PIP4K2A: variants seen among roughly 807,000 people sequenced by gnomAD.
The protein encoded by PIP4K2A is phosphatidylinositol 5-phosphate 4-kinase type-2 alpha.
In PIP4K2A, 14 loss-of-function variants were observed where a neutral mutation model predicts 42.9. The observed-to-expected ratio is 0.33, with a 90% confidence interval of 0.22 to 0.51. The LOEUF is 0.51. Ranked by LOEUF, PIP4K2A falls within the 20% of genes least tolerant of loss-of-function variation. The pLI, the probability that PIP4K2A is intolerant of heterozygous loss-of-function variation, is 0.97. For missense variants in PIP4K2A, 434 were observed against 519.8 expected, an observed-to-expected ratio of 0.83 and a Z score of 1.61; for synonymous variants, 192 against 192.2, an observed-to-expected ratio of 1.00 and a Z score of 0.01.
At chr10:22,583,699 T>TCCCAAACATTGCAGAGGTGAAGATGAA (rs1439859419) in intron 4 of PIP4K2A, among the ~76,000 whole-genome samples, 1 of 152,190 alleles carries the variant, frequency 6.6e-6, no homozygotes. Context: ...TCAGAGGCCT[T>TCCCAAACATTGCAGAGGTGAAGATGAA]CCCAAACATT....
intron 1 of PIP4K2A, among the ~76,000 whole-genome samples, chr10:22,658,058 A>G (rs915859499): frequency 6.6e-6 from 1 of 152,206 alleles, no homozygotes. Context: ...TTTTTTTCTA[A>G]GCAATCAGCT....
At chr10:22,615,811 G>A (rs1156881820) in intron 1 of PIP4K2A, among the ~76,000 whole-genome samples, 2 of 152,194 alleles carry the variant, frequency 1.3e-5, no homozygotes, top group African/African-American at 2.4e-5. Context: ...GGCAAACACA[G>A]TATAGTTCTC....
At chr10:22,579,899 A>G (rs1306585314) in intron 4 of PIP4K2A, among the ~76,000 whole-genome samples, 2 of 151,416 alleles carry the variant, frequency 1.3e-5, no homozygotes, top group East Asian at 1.9e-4. Flanking sequence ...ATAGAACGAG[A>G]CTTCGTCTGA....
chr10:22,607,860 T>A, intron 3 of PIP4K2A, 67 bp downstream of exon 3: 1 of 938,832 alleles, frequency 1.1e-6, no homozygotes, highest in Non-Finnish European at 1.7e-6. Context: ...CAGATCCCAA[T>A]TGACACAGCA....
At chr10:22,556,863 A>G (rs559456052) in intron 6 of PIP4K2A, among the ~76,000 whole-genome samples, 1 of 152,322 alleles carries the variant, frequency 6.6e-6, no homozygotes, top group East Asian at 1.9e-4. Context: ...TTTGGCTTTT[A>G]AAGCACAGCA....
At chr10:22,702,015 T>TGAGGTCCA (rs1833724008) in intron 1 of PIP4K2A, among the ~76,000 whole-genome samples, 3 of 152,188 alleles carry the variant, frequency 2.0e-5, no homozygotes, top group South Asian at 4.1e-4. Flanking sequence ...TATATCACCA[T>TGAGGTCCA]GAGGTCCAAA....
intron 1 of PIP4K2A, among the ~76,000 whole-genome samples, chr10:22,649,267 G>T (rs757500366): frequency 1.1e-4 from 16 of 152,180 alleles, no homozygotes; most frequent in Non-Finnish European, 1.6e-4. Context: ...GATCAGATGG[G>T]TCTATAATGT....
chr10:22,619,481 G>C (rs1838265627), intron 1 of PIP4K2A, among the ~76,000 whole-genome samples: 1 of 145,558 alleles, frequency 6.9e-6, no homozygotes, highest in Non-Finnish European at 1.5e-5. Flanking sequence ...CTGTTGCCCA[G>C]GCTGGAGTGC....
chr10:22,713,081 G>A (rs1301096366), intron 1 of PIP4K2A, among the ~76,000 whole-genome samples: 1 of 152,110 alleles, frequency 6.6e-6, no homozygotes, highest in African/African-American at 2.4e-5. Context: ...GACTGCAGTG[G>A]CTAAGGTCAT....
At chr10:22,559,622 G>A (rs1462014895) in intron 6 of PIP4K2A, among the ~76,000 whole-genome samples, 1 of 152,108 alleles carries the variant, frequency 6.6e-6, no homozygotes, top group Non-Finnish European at 1.5e-5. Flanking sequence ...GGTTTATGGG[G>A]TTCTTATCTA....
At chr10:22,647,645 C>G (rs1437486781) in intron 1 of PIP4K2A, among the ~76,000 whole-genome samples, 1 of 152,204 alleles carries the variant, frequency 6.6e-6, no homozygotes, top group Non-Finnish European at 1.5e-5. Flanking sequence ...GAAACACTCT[C>G]CTCCCAATCA....
chr10:22,629,335 T>TA lies in PIP4K2A; in HGVS notation c.145-19619dup, dbSNP rs1838504956. 2.0e-5 allele frequency among the ~76,000 whole-genome samples: 3 copies of TA among 152,344 alleles called. No individual in the cohort carries two copies. In the South Asian group the frequency reaches 6.2e-4, roughly 32 times the overall value. ...CATTCTTTTCAAAAATGTGGAAGCC[T>TA]AAAGCACTCACTAGACCTATGATTC... is the stretch of plus-strand genomic sequence containing the variant. On this transcript the variant is annotated intron_variant, in intron 1 of 9. Coordinates refer to ENST00000376573, the MANE Select transcript of PIP4K2A (RefSeq NM_005028.5).
chr10:22,714,063 C>G, intron 1 of PIP4K2A, 120 bp downstream of exon 1: 1 of 1,060,400 alleles, frequency 9.4e-7, no homozygotes, highest in Non-Finnish European at 1.3e-6. Flanking sequence ...GGGCGAGCAG[C>G]CGGAGGTCCA....
chr10:22,569,072 T>C, intron 5 of PIP4K2A: 1 of 1,528,160 alleles, frequency 6.5e-7, no homozygotes, highest in Non-Finnish European at 8.8e-7. Context: ...GAAATCAAAA[T>C]TTTTGATTAC....
chr10:22,552,062 C>A (rs1252012725), intron 6 of PIP4K2A, among the ~76,000 whole-genome samples: 1 of 152,132 alleles, frequency 6.6e-6, no homozygotes, highest in Non-Finnish European at 1.5e-5. Context: ...TTAGATATAA[C>A]CACAATCTTT....
At chr10:22,569,400 C>T (rs1836928047) in intron 5 of PIP4K2A, among the ~76,000 whole-genome samples, 1 of 152,316 alleles carries the variant, frequency 6.6e-6, no homozygotes, top group Non-Finnish European at 1.5e-5. Context: ...ACCCATTCTA[C>T]GACCACAGTC....
intron 1 of PIP4K2A, among the ~76,000 whole-genome samples, chr10:22,658,293 A>C (rs2130826677): frequency 6.6e-6 from 1 of 152,366 alleles, no homozygotes; most frequent in Non-Finnish European, 1.5e-5. Flanking sequence ...ACATAAACTG[A>C]AACGGAAGAA....
At position 22,627,588 on chromosome 10, in the gene PIP4K2A, TAA is replaced by T. The variant is rs1838467861; in HGVS notation, c.145-17873_145-17872del. Reference sequence around the variant, plus strand: ...ATTTGTTTAACCAAAAGCTAATATGTAATAAAAAAAAAAAAAAAAAAAAAAAA... The same window carrying T: ...ATTTGTTTAACCAAAAGCTAATATGTTAAAAAAAAAAAAAAAAAAAAAAAA... On this transcript the variant is annotated intron_variant, in intron 1 of 9. Transcript: ENST00000376573. Among the ~76,000 whole-genome samples, 6 of 38,956 alleles carry T rather than the reference TAA, an allele frequency of 1.5e-4. 1 individual carries two copies. Among genetic ancestry groups the T allele is most frequent in the African/African-American group, 4.4e-4 (6 of 13,772 alleles). The allele number at this position is 38,956 out of a possible 152,430, so 25.6% of individuals were successfully genotyped here.
At chr10:22,671,855 C>T (rs1839457666) in intron 1 of PIP4K2A, among the ~76,000 whole-genome samples, 1 of 151,350 alleles carries the variant, frequency 6.6e-6, no homozygotes, top group African/African-American at 2.4e-5. Flanking sequence ...GTAGACAGGC[C>T]CATTACCACT....
Sources: allele counts gnomAD v4.1 joint callset (sites outside exome capture counted in the v4.1 genomes callset), GRCh38; gene constraint gnomAD v4.1.1; transcripts MANE v1.5; gene names NCBI Gene and HGNC (gene_info 2026-07-23, HGNC 2026-07-21).